The following PGM2 variants were observed in gnomAD, a reference collection of about 807,000 sequenced individuals.
PGM2 encodes the protein phosphopentomutase.
In PGM2, 57 loss-of-function variants were observed where a neutral mutation model predicts 74.6. The observed-to-expected ratio is 0.76, with a 90% CI of 0.62 to 0.95. The LOEUF (loss-of-function observed/expected upper bound fraction) is 0.95. PGM2 is among the 40% of genes least tolerant of loss of function. PGM2 has a pLI of 0.00. For missense variants in PGM2, 706 were observed against 741.9 expected (o/e 0.95, Z 0.56); for synonymous variants, 273 against 260.7 (o/e 1.05, Z -0.46).
At position 37,841,070 on chromosome 4, in the gene PGM2, G is replaced by A. The variant is rs978121012; in HGVS notation, c.719+811G>A. On this transcript the variant is annotated intron_variant, in intron 6 of 13. Coordinates refer to ENST00000381967, the MANE Select transcript of PGM2 (RefSeq NM_018290.4). ...CCAAAAATTTTCTGTGCATATGCAA[G>A]CGTATATATATATATATATATATAT... Among the ~76,000 whole-genome samples the A allele has an allele frequency of 2.6e-4, 11 of 42,420 alleles. No homozygotes were observed. The East Asian group carries it at 0.011, about 44-fold the overall frequency. The allele number at this position is 42,420 out of a possible 152,430, so 27.8% of individuals were successfully genotyped here. A position where few individuals can be genotyped will look rare whatever the true frequency, so the allele number is the denominator to read the frequency against.
chr4:37,847,009 G>C lies in PGM2; in HGVS notation c.1086G>C (p.Lys362Asn). The C allele has an allele frequency of 6.2e-7, 1 of 1,613,644 alleles. No individual in the cohort carries two copies. The highest frequency in any genetic ancestry group is 8.5e-7 in the Non-Finnish European group (1 of 1,179,620). Residue 362 changes from lysine to asparagine, a missense_variant, in exon 9 of 14, where the codon AAG (lysine) becomes AAC (asparagine). Around this residue, in one of 3 missense-constraint regions of PGM2, gnomAD observed 359 missense variants for 371.1 expected, o/e 0.97. Transcript: ENST00000381967. Reference sequence around the variant, plus strand: ...GGCTTTTTACATCTTGGAAAGAGAAGAACCAGGATCGCAGTGCTCTCAAAG... The same window carrying C: ...GGCTTTTTACATCTTGGAAAGAGAACAACCAGGATCGCAGTGCTCTCAAAG... ...GWWLFTSWKE[K>N]NQDRSALKDT...
rs1281000858 is a variant in PGM2, at chr4:37,862,592, A to T, written c.*980A>T. 6.6e-6 allele frequency: 1 copy of T among 152,140 alleles called. No homozygotes were observed. Among genetic ancestry groups the T allele is most frequent in the Non-Finnish European group, 1.5e-5 (1 of 68,024 alleles). The allele number at this position is 152,140 out of a possible 1,614,324, so 9.4% of individuals were successfully genotyped here. A position where few individuals can be genotyped will look rare whatever the true frequency, so the allele number is the denominator to read the frequency against. Reference sequence around the variant, plus strand: ...ATTCGTGGTCTTACAGCCTTCCAAAATAACTCCAGTTGGGCACCCATGAGC... The same window carrying T: ...ATTCGTGGTCTTACAGCCTTCCAAATTAACTCCAGTTGGGCACCCATGAGC... On this transcript the variant is annotated 3_prime_UTR_variant, in exon 14 of 14. Transcript: ENST00000381967.
intron 2 of PGM2, among the ~76,000 whole-genome samples, chr4:37,831,585 T>G (rs1043492230): frequency 2.6e-5 from 4 of 152,182 alleles, no homozygotes; most frequent in African/African-American, 9.7e-5. Context: ...TTGGCTGGGA[T>G]CTTAGCTGGG....
rs764796129 is a variant in PGM2 at position 37,861,587 on chromosome 4, A to G, written c.1814A>G (p.Tyr605Cys). The G allele has an allele frequency of 1.2e-6, 2 of 1,612,646 alleles. No homozygotes were observed. Among genetic ancestry groups the G allele is most frequent in the Non-Finnish European group, 1.7e-6 (2 of 1,178,750 alleles). ...GAACATTTTTTCCAGCCACAGAAGT[A>G]CAATCTGCAGCCAAAAGCAGACTAA... ...IEEHFFQPQK[Y>C]NLQPKAD Residue 605 changes from tyrosine (Y) to cysteine (C), a missense_variant, in exon 14 of 14, where the codon TAC becomes TGC. Tyr to Cys is a radical substitution (Grantham distance 194, BLOSUM62 -2). Around this residue, in one of 3 missense-constraint regions of PGM2, gnomAD observed 359 missense variants for 371.1 expected, o/e 0.97. Transcript: ENST00000381967.
At chr4:37,847,554 C>A in intron 10 of PGM2, 1 of 408,718 alleles carries the variant, frequency 2.4e-6, no homozygotes, top group Non-Finnish European at 4.6e-6. Flanking sequence ...GCTTGGCTGC[C>A]GGTACATGTA....
chr4:37,855,654 C>T lies in PGM2; in HGVS notation c.1649C>T (p.Ala550Val). The T allele has an allele frequency of 6.2e-7, 1 of 1,614,066 alleles. No individual in the cohort carries two copies. Among genetic ancestry groups the T allele is most frequent in the East Asian group, 2.2e-5 (1 of 44,878 alleles). The change falls in exon 13 of 14, where the codon GCT becomes GTT. Residue 550 changes from alanine to valine, a missense_variant. Transcript: ENST00000381967. ...AGCCAAATGATCACCTTCACCTTTGCTAATGGAGGCGTGGCCACCATGCGC... is the reference window on the plus strand; with the variant it reads ...AGCCAAATGATCACCTTCACCTTTGTTAATGGAGGCGTGGCCACCATGCGC... ...KSSQMITFTF[A>V]NGGVATMRTS...
intron 13 of PGM2, among the ~76,000 whole-genome samples, chr4:37,860,090 C>T (rs1268625495): frequency 3.3e-5 from 5 of 152,130 alleles, no homozygotes; most frequent in African/African-American, 1.2e-4. Flanking sequence ...TCACTGCATA[C>T]ATGAATCGTA....
At chr4:37,851,716 T>C (rs1212851405) in intron 12 of PGM2, among the ~76,000 whole-genome samples, 2 of 152,236 alleles carry the variant, frequency 1.3e-5, no homozygotes, top group Non-Finnish European at 2.9e-5. Flanking sequence ...TGTTTTGATA[T>C]ACCAGTTTTA....
intron 3 of PGM2, among the ~76,000 whole-genome samples, chr4:37,835,472 TTTA>T (rs1483547611): frequency 6.6e-6 from 1 of 152,162 alleles, no homozygotes; most frequent in Non-Finnish European, 1.5e-5. Flanking sequence ...CCAGTAAAAC[TTTA>T]CTTACAAAAT....
Position 37,834,601 on chromosome 4 carries a change from C to T in PGM2, c.250-17C>T. ...ATATGTTAAAACATACTTTTTAAAT[C>T]TATGGTGTATTTGTAGGGATTTTGC... On this transcript the variant is annotated splice_polypyrimidine_tract_variant and intron_variant, in intron 2 of 13. Transcript: ENST00000381967. 8.4e-7 allele frequency: 1 copy of T among 1,183,512 alleles called. No homozygotes were observed. The highest frequency in any genetic ancestry group is 1.2e-6 in the Non-Finnish European group (1 of 803,960). The allele number at this position is 1,183,512 out of a possible 1,614,324, so 73.3% of individuals were successfully genotyped here.
At chr4:37,857,160 A>C (rs1711548537) in intron 13 of PGM2, among the ~76,000 whole-genome samples, 1 of 152,198 alleles carries the variant, frequency 6.6e-6, no homozygotes, top group Non-Finnish European at 1.5e-5. Context: ...CTTGAACTCA[A>C]TTAACTGAAC....
At chr4:37,851,554 T>G (rs1032786482) in intron 12 of PGM2, among the ~76,000 whole-genome samples, 1 of 152,234 alleles carries the variant, frequency 6.6e-6, no homozygotes, top group Admixed American at 6.5e-5. Flanking sequence ...GATATTTTCT[T>G]TGTTCTATTT....
Position 37,828,637 on chromosome 4 carries a change from C to G in PGM2, c.82-1327C>G, listed in dbSNP as rs535133651. Among the ~76,000 whole-genome samples the G allele has an allele frequency of 1.0e-3, 153 of 152,306 alleles. 1 individual carries two copies. The highest frequency in any genetic ancestry group is 3.6e-3 in the African/African-American group (148 of 41,558). ...CTCTTGACTTGTCATTCTTACCTGT[C>G]TGTCTCCTTTGTTTCTCTCAGGCTA... On this transcript the variant is annotated intron_variant, in intron 1 of 13. Transcript: ENST00000381967.
chr4:37,842,611 C>T (rs1725761101), intron 6 of PGM2, among the ~76,000 whole-genome samples: 1 of 150,276 alleles, frequency 6.7e-6, no homozygotes, highest in African/African-American at 2.5e-5. Context: ...TAACATTAAT[C>T]AAGTGCTTAT....
At chr4:37,830,219 C>A in intron 2 of PGM2, 88 bp downstream of exon 2, 1 of 979,944 alleles carries the variant, frequency 1.0e-6, no homozygotes, top group Non-Finnish European at 1.4e-6. Context: ...TAATTATAGA[C>A]ATGTCTTACC....
At chr4:37,856,167 C>T (rs865954960) in intron 13 of PGM2, among the ~76,000 whole-genome samples, 9 of 152,078 alleles carry the variant, frequency 5.9e-5, no homozygotes, top group African/African-American at 2.2e-4. Flanking sequence ...AGGCGGATCA[C>T]GAGGTCAGGA....
At chr4:37,860,810 C>G (rs1228511058) in intron 13 of PGM2, among the ~76,000 whole-genome samples, 1 of 152,124 alleles carries the variant, frequency 6.6e-6, no homozygotes, top group African/African-American at 2.4e-5. Flanking sequence ...CTTAACCTTT[C>G]AAATGTTTGT....
chr4:37,849,330 C>T (rs939126031), intron 11 of PGM2, among the ~76,000 whole-genome samples: 1 of 151,554 alleles, frequency 6.6e-6, no homozygotes, highest in African/African-American at 2.4e-5. Context: ...ATGCGTGTGA[C>T]CTGGCTCTCT....
chr4:37,861,493 T>A lies in PGM2; in HGVS notation c.1737-17T>A. ...AATAATCCCTTGACCTGGATTTTTTTCCCCCTTATTTTCCAGTGATCCTGA... is the reference window on the plus strand; with the variant it reads ...AATAATCCCTTGACCTGGATTTTTTACCCCCTTATTTTCCAGTGATCCTGA... On this transcript the variant is annotated splice_polypyrimidine_tract_variant and intron_variant, in intron 13 of 13. Transcript: ENST00000381967. 1 of 1,553,656 alleles carries A rather than the reference T, an allele frequency of 6.4e-7. No individual in the cohort carries two copies.
Sources: allele counts gnomAD v4.1 joint callset (sites outside exome capture counted in the v4.1 genomes callset), GRCh38; gene constraint gnomAD v4.1.1; regional missense constraint gnomAD v4.1.1; transcripts MANE v1.5; gene names NCBI Gene and HGNC (gene_info 2026-07-23, HGNC 2026-07-21).